The following ERBB2 variants were observed in gnomAD, a reference collection of about 807,000 sequenced individuals.
The protein encoded by ERBB2 is erb-b2 receptor tyrosine kinase 2.
Under a neutral mutation model 149.0 loss-of-function variants are expected in ERBB2, and 61 were observed. The ratio of observed to expected loss-of-function variants is 0.41; its 90% CI spans 0.33 to 0.51. The LOEUF is 0.51. ERBB2 is among the 20% of genes least tolerant of loss of function. ERBB2 has a pLI of 0.25. For synonymous variants in ERBB2, 633 were observed against 678.8 expected (o/e 0.93, Z 1.05); for missense variants, 1,205 against 1,655.1 (o/e 0.73, Z 4.72).
upstream of ERBB2, among the ~76,000 whole-genome samples, chr17:39,694,247 ATATATATATATATATATATAT>A (rs2057793257): frequency 2.3e-5 from 1 of 43,846 alleles, no homozygotes; most frequent in African/African-American, 7.6e-5. Flanking sequence ...ATATATATAT[ATATATATATATATATATATAT>A]GTGTGTATAT....
upstream of ERBB2, among the ~76,000 whole-genome samples, chr17:39,696,349 T>A (rs1260454973): frequency 6.6e-6 from 1 of 152,062 alleles, no homozygotes; most frequent in Non-Finnish European, 1.5e-5. Context: ...TCCAGCTTGC[T>A]CCACCCTCTC....
At chr17:39,717,018 A>G in intron 14 of ERBB2, 1 of 443,358 alleles carries the variant, frequency 2.3e-6, no homozygotes, top group South Asian at 3.8e-5. Flanking sequence ...AAGCACGGGA[A>G]AGGCTTTCTA....
At chr17:39,693,413 CAT>C (rs1486441080), upstream of ERBB2, 2 of 152,136 alleles carry the variant, frequency 1.3e-5, no homozygotes, top group Non-Finnish European at 2.9e-5. Context: ...GTATATAACA[CAT>C]ATCACATACA....
At chr17:39,696,981 C>T (rs552076602), upstream of ERBB2, among the ~76,000 whole-genome samples, 66 of 152,332 alleles carry the variant, frequency 4.3e-4, no homozygotes, top group Non-Finnish European at 6.5e-4. Flanking sequence ...TCAGCGCATC[C>T]TCTTCCCGCA....
chr17:39,700,361 T>A, intron 1 of ERBB2, 50 bp downstream of exon 1: 1 of 1,257,096 alleles, frequency 8.0e-7, no homozygotes, highest in Non-Finnish European at 1.0e-6. Flanking sequence ...CCCTGCCCTG[T>A]GGATGCCCCG....
At chr17:39,720,117 G>A in intron 16 of ERBB2, 1 of 449,726 alleles carries the variant, frequency 2.2e-6, no homozygotes, top group South Asian at 2.4e-5. Flanking sequence ...CAATTCCTTG[G>A]AAGTCAAGGG....
chr17:39,694,260 T>TGTGTGTATATATATATATACAC (rs2057797488), upstream of ERBB2, among the ~76,000 whole-genome samples: 1 of 23,498 alleles, frequency 4.3e-5, no homozygotes. Context: ...TATATATATA[T>TGTGTGTATATATATATATACAC]ATATATATGT....
upstream of ERBB2, among the ~76,000 whole-genome samples, chr17:39,695,979 A>C (rs1281825657): frequency 6.6e-6 from 1 of 152,066 alleles, no homozygotes; most frequent in African/African-American, 2.4e-5. Flanking sequence ...TCTGTCCCGC[A>C]GTCAGCCCCA....
chr17:39,709,962 G>T, intron 5 of ERBB2, 81 bp downstream of exon 5: 2 of 1,502,190 alleles, frequency 1.3e-6, no homozygotes, highest in Non-Finnish European at 9.2e-7. Context: ...GGTGACATGG[G>T]AGGGGTGGGA....
At chr17:39,709,554 GC>G in intron 4 of ERBB2, 102 bp downstream of exon 4, 1 of 1,376,960 alleles carries the variant, frequency 7.3e-7, no homozygotes. Context: ...TGCCCCAGCC[GC>G]CTACACCACC....
At chr17:39,688,178 C>A (rs769873219) in exon 1 of ERBB2, 1 of 571,266 alleles carries the variant, frequency 1.8e-6, no homozygotes, top group South Asian at 5.6e-5. Flanking sequence ...CGCCCCTCGT[C>A]CCCCTGCTGT....
intron 16 of ERBB2, among the ~76,000 whole-genome samples, chr17:39,721,835 G>A (rs1278439835): frequency 2.0e-5 from 3 of 152,188 alleles, no homozygotes; most frequent in African/African-American, 7.2e-5. Flanking sequence ...TGGTGGAAAA[G>A]CAATAATATA....
At chr17:39,724,272 A>ATTGTTTTTTTTTTTTTTT (rs2059615489) in intron 19 of ERBB2, among the ~76,000 whole-genome samples, 1 of 77,016 alleles carries the variant, frequency 1.3e-5, no homozygotes, top group African/African-American at 4.6e-5. Flanking sequence ...GCGCCCGCTA[A>ATTGTTTTTTTTTTTTTTT]TTTTTTTTTT....
At chr17:39,720,838 C>T (rs1016552073) in intron 16 of ERBB2, among the ~76,000 whole-genome samples, 2 of 152,056 alleles carry the variant, frequency 1.3e-5, no homozygotes, top group Non-Finnish European at 2.9e-5. Flanking sequence ...TTAGTAGAGA[C>T]GGGGTTTCAC....
At position 39,710,188 on chromosome 17, in the gene ERBB2, A is replaced by C. The variant is rs2145506485; in HGVS notation, c.746A>C (p.His249Pro). ...GCTGCCGGCTGCACGGGCCCCAAGC[A>C]CTCTGACTGCCTGGTATGTGCCTCT... The part of the protein sequence containing the change: ...QCAAGCTGPK[H>P]SDCLACLHFN... Residue 249 changes from histidine (H) to proline (P), a missense_variant, in exon 6 of 27, where the codon CAC becomes CCC. This residue lies in a region of ERBB2 where 569 missense variants were observed against 803.5 expected (regional missense o/e 0.71). Coordinates refer to ENST00000269571, the MANE Select transcript of ERBB2 (RefSeq NM_004448.4). The C allele has an allele frequency of 6.2e-7, 1 of 1,612,648 alleles. No homozygotes were observed. Among genetic ancestry groups the C allele is most frequent in the Non-Finnish European group, 8.5e-7 (1 of 1,179,460 alleles).
At position 39,715,795 on chromosome 17, in the gene ERBB2, T is replaced by G; in HGVS notation, c.1369T>G (p.Ser457Ala). Residue 457 changes from serine to alanine, a missense_variant, in exon 12 of 27, where the codon TCA (serine) becomes GCA (alanine). This residue lies in a region of ERBB2 where 569 missense variants were observed against 803.5 expected (regional missense o/e 0.71). Coordinates refer to ENST00000269571, the MANE Select transcript of ERBB2 (RefSeq NM_004448.4). ...GGGCATCAGCTGGCTGGGGCTGCGC[T>G]CACTGAGGGAACTGGGCAGTGGACT... The part of the protein sequence containing the change: ...GLGISWLGLR[S>A]LRELGSGLAL... 6.2e-7 allele frequency: 1 copy of G among 1,609,890 alleles called. No homozygotes were observed. Among genetic ancestry groups the G allele is most frequent in the Non-Finnish European group, 8.5e-7 (1 of 1,180,008 alleles).
rs528586794 is a variant in ERBB2, at chr17:39,727,151, CCT to C, written c.3160-143_3160-142del. On this transcript the variant is annotated intron_variant, in intron 25 of 26. Transcript: ENST00000269571. This position sits in a 1 kb window ranked among gnomAD's most constrained non-coding sequence, Gnocchi z 4.3. Reference sequence around the variant, plus strand: ...AAAAAATTCTTACTGCCTTCCAACCCCTGTGACCCCATTCTCTCCACGGTGAC... The same window carrying C: ...AAAAAATTCTTACTGCCTTCCAACCCGTGACCCCATTCTCTCCACGGTGAC... The C allele has an allele frequency of 2.8e-3, 3,524 of 1,239,728 alleles. 9 individuals carry two copies. The highest frequency in any genetic ancestry group is 8.4e-3 in the Middle Eastern group (30 of 3,556). 76.8% of individuals were successfully genotyped at this position (1,239,728 alleles called of 1,614,324 possible). A position where few individuals can be genotyped will look rare whatever the true frequency, so the allele number is the denominator to read the frequency against.
intron 16 of ERBB2, among the ~76,000 whole-genome samples, chr17:39,721,676 G>A (rs2059460704): frequency 6.6e-6 from 1 of 152,122 alleles, no homozygotes; most frequent in South Asian, 2.1e-4. Context: ...ACCTGTGGGT[G>A]GAAATTTTGG....
Position 39,726,546 on chromosome 17 carries a change from C to T in ERBB2, c.2873-16C>T, listed in dbSNP as rs2143128572. The T allele has an allele frequency of 1.2e-6, 2 of 1,610,354 alleles. No homozygotes were observed. The highest frequency in any genetic ancestry group is 1.7e-6 in the Non-Finnish European group (2 of 1,176,588). On this transcript the variant is annotated splice_polypyrimidine_tract_variant and intron_variant, in intron 23 of 26. Transcript: ENST00000269571. The surrounding 1 kb of genome is among the most constrained non-coding windows in gnomAD (Gnocchi z 5.1). Reference sequence around the variant, plus strand: ...CAGGGCCTGGGACTAGCATGCTGACCTCCCTCCTGCCCCAGGTTGGATGAT... The same window carrying T: ...CAGGGCCTGGGACTAGCATGCTGACTTCCCTCCTGCCCCAGGTTGGATGAT...
Sources: allele counts gnomAD v4.1 joint callset (sites outside exome capture counted in the v4.1 genomes callset), GRCh38; gene constraint gnomAD v4.1.1; regional missense constraint gnomAD v4.1.1; non-coding constraint Gnocchi (gnomAD v3.1); transcripts MANE v1.5; gene names NCBI Gene and HGNC (gene_info 2026-07-23, HGNC 2026-07-21).